PAPPA2: variants seen among roughly 807,000 people sequenced by gnomAD.
PAPPA2 encodes pappalysin 2, also known as pappalysin-2.
Under a neutral mutation model 176.4 loss-of-function variants are expected in PAPPA2, and 86 were observed. The observed-to-expected ratio is 0.49, with a 90% CI of 0.41 to 0.58. The LOEUF is 0.58. PAPPA2 is among the 20% of genes least tolerant of loss of function. The pLI is 0.00. For synonymous variants in PAPPA2, 809 were observed against 852.2 expected (o/e 0.95, Z 0.88); for missense variants, 2,073 against 2,256.9 (o/e 0.92, Z 1.65).
chr1:176,771,054 T>G lies in PAPPA2; in HGVS notation c.4589T>G (p.Ile1530Ser), dbSNP rs1162635353. 1.2e-6 allele frequency: 2 copies of G among 1,613,970 alleles called. No individual in the cohort carries two copies. The highest frequency in any genetic ancestry group is 2.7e-5 in the African/African-American group (2 of 74,902). Residue 1530 changes from isoleucine (I) to serine (S), a missense_variant, in exon 17 of 23, where the codon ATT becomes AGT. Around this residue, in one of 4 missense-constraint regions of PAPPA2, gnomAD observed 846 missense variants for 857.9 expected, o/e 0.99. Transcript: ENST00000367662. ...YCKLECDAPP[I>S]ILNANLLLPH... ...AAGTTGGAGTGTGATGCTCCCCCTA[T>G]TATTCTGAATGCCAACTTGCTCCTG...
At chr1:176,669,282 C>G (rs1472873956) in intron 3 of PAPPA2, among the ~76,000 whole-genome samples, 3 of 152,088 alleles carry the variant, frequency 2.0e-5, no homozygotes, top group Non-Finnish European at 4.4e-5. Flanking sequence ...CCCTTCTTTT[C>G]TTTTCTTCTC....
chr1:176,648,367 A>G (rs1573190823), intron 3 of PAPPA2, among the ~76,000 whole-genome samples: 1 of 151,478 alleles, frequency 6.6e-6, no homozygotes, highest in East Asian at 1.9e-4. Flanking sequence ...GTATGTGGTC[A>G]TGTCATGTGT....
At chr1:176,553,342 CCTT>C (rs751289788) in intron 1 of PAPPA2, 3 of 150,526 alleles carry the variant, frequency 2.0e-5, no homozygotes, top group Admixed American at 6.6e-5. Flanking sequence ...TGACAGGAGT[CCTT>C]CTTCTCCGTG....
chr1:176,564,578 G>C (rs1162401788), intron 2 of PAPPA2, among the ~76,000 whole-genome samples: 1 of 152,168 alleles, frequency 6.6e-6, no homozygotes, highest in Non-Finnish European at 1.5e-5. Context: ...CTCCAACAGA[G>C]AGACTGTGGC....
rs762468282 is a variant in PAPPA2 at position 176,595,068 on chromosome 1, T to G, written c.1464T>G (p.Pro488=). 1 of 1,614,144 alleles carries G rather than the reference T, an allele frequency of 6.2e-7. No individual in the cohort carries two copies. The highest frequency in any genetic ancestry group is 8.5e-7 in the Non-Finnish European group (1 of 1,180,018). Residue 488 remains proline (P), a synonymous_variant, in exon 3 of 23, where the codon CCT becomes CCG. Coordinates refer to ENST00000367662, the MANE Select transcript of PAPPA2 (RefSeq NM_020318.3). ...LEVLQGFEPE[P]EILSPLQPPL... ...TTCTCCAGGGCTTTGAGCCAGAGCC[T>G]GAGATTCTGTCGCCTTTGCAGCCCC...
intron 2 of PAPPA2, among the ~76,000 whole-genome samples, chr1:176,576,016 C>G (rs551201961): frequency 6.6e-6 from 1 of 152,200 alleles, no homozygotes; most frequent in South Asian, 2.1e-4. Context: ...ATGGACTGTA[C>G]TCTTTCTCTA....
At chr1:176,714,593 A>G (rs1661289410) in intron 12 of PAPPA2, among the ~76,000 whole-genome samples, 1 of 152,232 alleles carries the variant, frequency 6.6e-6, no homozygotes, top group Admixed American at 6.5e-5. Context: ...GGAAGAAGCC[A>G]TGACCTACCT....
intron 1 of PAPPA2, among the ~76,000 whole-genome samples, chr1:176,522,189 C>G (rs1450187914): frequency 1.3e-5 from 2 of 152,166 alleles, no homozygotes; most frequent in African/African-American, 4.8e-5. Context: ...CTCATAAAAG[C>G]AATCTTTGTG....
chr1:176,702,678 C>T lies in PAPPA2; in HGVS notation c.3308C>T (p.Ser1103Leu), dbSNP rs752126396. 1.2e-6 allele frequency: 2 copies of T among 1,613,624 alleles called. No homozygotes were observed. Among genetic ancestry groups the T allele is most frequent in the Non-Finnish European group, 1.7e-6 (2 of 1,179,888 alleles). ...GCTGGAGGAGAACTGGGAGAAGCTT[C>T]GCCTCCTCTGAACCACATTCATGGA... is the stretch of plus-strand genomic sequence containing the variant. ...AEAGGELGEA[S>L]PPLNHIHGAP... The change falls in exon 9 of 23, where the codon TCG becomes TTG. Residue 1103 changes from serine to leucine, a missense_variant. Physicochemically the swap from Ser to Leu is moderately radical, Grantham distance 145. Coordinates refer to ENST00000367662, the MANE Select transcript of PAPPA2 (RefSeq NM_020318.3).
chr1:176,815,650 A>C (rs962432128), intron 21 of PAPPA2, among the ~76,000 whole-genome samples: 5 of 152,194 alleles, frequency 3.3e-5, no homozygotes, highest in Admixed American at 1.3e-4. Flanking sequence ...TTGTGAGGAC[A>C]TGTGCCCACG....
chr1:176,520,339 G>A (rs1175389157), intron 1 of PAPPA2, among the ~76,000 whole-genome samples: 3 of 152,130 alleles, frequency 2.0e-5, no homozygotes, highest in African/African-American at 7.2e-5. Context: ...GAAAATTCTT[G>A]AACTACCCCA....
intron 4 of PAPPA2, among the ~76,000 whole-genome samples, chr1:176,677,610 T>G (rs1412602358): frequency 6.6e-6 from 1 of 152,168 alleles, no homozygotes; most frequent in Non-Finnish European, 1.5e-5. Flanking sequence ...AACACTTAAG[T>G]TAGTCGTAAA....
At chr1:176,811,474 A>G (rs1666145921) in intron 21 of PAPPA2, among the ~76,000 whole-genome samples, 1 of 152,142 alleles carries the variant, frequency 6.6e-6, no homozygotes, top group African/African-American at 2.4e-5. Context: ...AGGATCTATG[A>G]GTGAAAAGGG....
intron 3 of PAPPA2, among the ~76,000 whole-genome samples, chr1:176,603,732 C>T (rs1428962294): frequency 6.6e-6 from 1 of 152,172 alleles, no homozygotes; most frequent in Non-Finnish European, 1.5e-5. Flanking sequence ...CCCCTATAGC[C>T]ACCACCCTAA....
At chr1:176,731,374 G>A (rs891612009) in intron 12 of PAPPA2, among the ~76,000 whole-genome samples, 3 of 151,792 alleles carry the variant, frequency 2.0e-5, no homozygotes, top group Non-Finnish European at 4.4e-5. Flanking sequence ...ATCTTGGCTC[G>A]CTGCAACCCC....
In PAPPA2 at chr1:176,789,961, A is replaced by T; in HGVS notation, c.4868A>T (p.Asn1623Ile). The change falls in exon 18 of 23, where the codon AAC becomes ATC. Residue 1623 changes from asparagine (N) to isoleucine (I), a missense_variant. This residue lies in a region of PAPPA2 where 846 missense variants were observed against 857.9 expected (regional missense o/e 0.99). Coordinates refer to ENST00000367662, the MANE Select transcript of PAPPA2 (RefSeq NM_020318.3). ...GACAGCCAGTGTGTGCTCAACTGTA[A>T]CCAGGAACGTGAAAAGGTAAGGAAC... ...SLDSQCVLNC[N>I]QEREKLPILC... is the part of the protein sequence containing the mutation. 1 of 1,614,094 alleles carries T rather than the reference A, an allele frequency of 6.2e-7. No homozygotes were observed.
intron 2 of PAPPA2, among the ~76,000 whole-genome samples, chr1:176,558,517 A>G (rs1272960196): frequency 6.6e-6 from 1 of 152,136 alleles, no homozygotes; most frequent in East Asian, 1.9e-4. Flanking sequence ...TGGGATTCCC[A>G]GACACTGAGC....
At chr1:176,576,993 G>A (rs1652685005) in intron 2 of PAPPA2, among the ~76,000 whole-genome samples, 1 of 152,154 alleles carries the variant, frequency 6.6e-6, no homozygotes, top group African/African-American at 2.4e-5. Flanking sequence ...CAGGAGGTCT[G>A]TGTGCAATTT....
intron 21 of PAPPA2, among the ~76,000 whole-genome samples, chr1:176,816,196 A>ATG (rs1364788246): frequency 4.1e-5 from 4 of 97,658 alleles, no homozygotes; most frequent in East Asian, 3.2e-4. Context: ...ATATATATAT[A>ATG]TGTACACATA....
Sources: allele counts gnomAD v4.1 joint callset (sites outside exome capture counted in the v4.1 genomes callset), GRCh38; gene constraint gnomAD v4.1.1; regional missense constraint gnomAD v4.1.1; transcripts MANE v1.5; gene names NCBI Gene and HGNC (gene_info 2026-07-23, HGNC 2026-07-21).